Variants in LRRTM4 observed in about 807,000 individuals in gnomAD.
The protein encoded by LRRTM4 is leucine rich repeat transmembrane neuronal 4, also known as leucine-rich repeat transmembrane neuronal protein 4.
LRRTM4 carries 25 observed loss-of-function variants against 47.6 expected under a neutral mutation model. The ratio of observed to expected loss-of-function variants is 0.53; its 90% CI spans 0.38 to 0.73. LRRTM4 has a LOEUF of 0.73. Ranked by LOEUF, LRRTM4 falls within the 30% of genes least tolerant of loss-of-function variation. The probability of loss-of-function intolerance (pLI) is 0.00; values close to 1 mark genes in which losing one functional copy is unlikely to be tolerated. For synonymous variants in LRRTM4, 311 were observed against 269.5 expected, an observed-to-expected ratio of 1.15 and a Z score of -1.51; for missense variants, 638 against 713.4, an observed-to-expected ratio of 0.89 and a Z score of 1.20.
chr2:77,423,472 G>A (rs1016301795), intron 3 of LRRTM4, among the ~76,000 whole-genome samples: 2 of 152,106 alleles, frequency 1.3e-5, no homozygotes, highest in African/African-American at 2.4e-5. Flanking sequence ...TAAACAGGGA[G>A]TGTTCTGTTT....
intron 3 of LRRTM4, among the ~76,000 whole-genome samples, chr2:76,960,728 G>A (rs1402079273): frequency 6.6e-6 from 1 of 151,496 alleles, no homozygotes; most frequent in Non-Finnish European, 1.5e-5. Flanking sequence ...CATTTGTTAT[G>A]TAACACTATA....
chr2:76,780,087 G>T (rs1054418845), intron 3 of LRRTM4, among the ~76,000 whole-genome samples: 6 of 152,046 alleles, frequency 3.9e-5, no homozygotes, highest in Non-Finnish European at 5.9e-5. Flanking sequence ...TTGAATATTG[G>T]CCCCCACTCT....
intron 3 of LRRTM4, among the ~76,000 whole-genome samples, chr2:76,927,555 A>C (rs1573324593): frequency 6.6e-6 from 1 of 152,200 alleles, no homozygotes; most frequent in Non-Finnish European, 1.5e-5. Context: ...AGTTTTCCAA[A>C]AGTCATGTAT....
intron 3 of LRRTM4, among the ~76,000 whole-genome samples, chr2:76,787,423 A>G (rs957098323): frequency 6.6e-6 from 1 of 152,078 alleles, no homozygotes; most frequent in African/African-American, 2.4e-5. Context: ...TACTTTATAC[A>G]TTTCCAGATG....
chr2:76,925,311 A>T (rs1674555436), intron 3 of LRRTM4, among the ~76,000 whole-genome samples: 1 of 152,118 alleles, frequency 6.6e-6, no homozygotes, highest in Non-Finnish European at 1.5e-5. Flanking sequence ...GACAGCCTCA[A>T]TCCTTCAACC....
intron 3 of LRRTM4, among the ~76,000 whole-genome samples, chr2:77,417,565 A>T (rs1674685492): frequency 6.6e-6 from 1 of 152,172 alleles, no homozygotes; most frequent in South Asian, 2.1e-4. Flanking sequence ...TGCAGCCATA[A>T]AATATGATGA....
In LRRTM4 at chr2:76,889,661, A is replaced by G. The variant is rs983547318; in HGVS notation, c.1552-140745T>C. ...AACTGATGATCCAATTAGCAAGAAG[A>G]AGGAGGACAAAATGACTGTACTTTA... On this transcript the variant is annotated intron_variant, in intron 3 of 3. Coordinates refer to ENST00000409884, the MANE Select transcript of LRRTM4 (RefSeq NM_001134745.3). Among the ~76,000 whole-genome samples, 5 of 152,142 alleles carry G rather than the reference A, an allele frequency of 3.3e-5. No individual in the cohort carries two copies. The South Asian group carries it at 8.3e-4, about 25-fold the overall frequency.
chr2:76,912,749 T>C (rs1674114584), intron 3 of LRRTM4, among the ~76,000 whole-genome samples: 1 of 152,176 alleles, frequency 6.6e-6, no homozygotes, highest in Non-Finnish European at 1.5e-5. Flanking sequence ...CCCTTAGTGC[T>C]GTCCTCGGGA....
chr2:77,438,040 A>G (rs998807401), intron 3 of LRRTM4, among the ~76,000 whole-genome samples: 1 of 152,182 alleles, frequency 6.6e-6, no homozygotes, highest in African/African-American at 2.4e-5. Flanking sequence ...ATTTCTTTAG[A>G]TTAAGGATGC....
chr2:77,329,637 C>G (rs1234780235), intron 3 of LRRTM4, among the ~76,000 whole-genome samples: 5 of 152,032 alleles, frequency 3.3e-5, no homozygotes. Flanking sequence ...ACTGAAGGTG[C>G]TCAGGTTAGT....
At chr2:76,774,334 G>A (rs1409153190) in intron 3 of LRRTM4, among the ~76,000 whole-genome samples, 2 of 151,808 alleles carry the variant, frequency 1.3e-5, no homozygotes, top group African/African-American at 4.8e-5. Flanking sequence ...TGGGATTACA[G>A]GCACGTGCCA....
In LRRTM4 at chr2:77,049,157, T is replaced by TACACACACAC. The variant is rs1336101809; in HGVS notation, c.1552-300251_1552-300242dup. On this transcript the variant is annotated intron_variant, in intron 3 of 3. Coordinates refer to ENST00000409884, the MANE Select transcript of LRRTM4 (RefSeq NM_001134745.3). Reference sequence around the variant, plus strand: ...ATATATATATATATATATATATATATACACACACACACACACCACATTTTC... The same window carrying TACACACACAC: ...ATATATATATATATATATATATATATACACACACACACACACACACACACACCACATTTTC... Among the ~76,000 whole-genome samples, 67 of 106,340 alleles carry TACACACACAC rather than the reference T, an allele frequency of 6.3e-4. 3 individuals carry two copies. The highest frequency in any genetic ancestry group is 3.3e-3 in the African/African-American group (66 of 19,800). 69.8% of individuals were successfully genotyped at this position (106,340 alleles called of 152,430 possible).
At chr2:77,387,493 G>C (rs1673325150) in intron 3 of LRRTM4, among the ~76,000 whole-genome samples, 1 of 152,046 alleles carries the variant, frequency 6.6e-6, no homozygotes, top group African/African-American at 2.4e-5. Flanking sequence ...TACACTCAAG[G>C]TCTCTCAGTT....
At chr2:77,069,654 T>C (rs148893388) in intron 3 of LRRTM4, among the ~76,000 whole-genome samples, 11 of 152,300 alleles carry the variant, frequency 7.2e-5, no homozygotes, top group African/African-American at 2.6e-4. Flanking sequence ...ATTTTCAACT[T>C]TGCCTTAGCC....
chr2:77,391,788 G>A (rs1673515127), intron 3 of LRRTM4, among the ~76,000 whole-genome samples: 1 of 151,910 alleles, frequency 6.6e-6, no homozygotes, highest in South Asian at 2.1e-4. Flanking sequence ...GGTGAGACAT[G>A]CCTCATTATA....
At chr2:76,798,191 T>C (rs1286437504) in intron 3 of LRRTM4, among the ~76,000 whole-genome samples, 4 of 152,106 alleles carry the variant, frequency 2.6e-5, no homozygotes, top group Non-Finnish European at 5.9e-5. Context: ...ATTGACCACA[T>C]ACTTGGAAGT....
chr2:77,238,407 A>T (rs1675167732), intron 3 of LRRTM4, among the ~76,000 whole-genome samples: 1 of 152,126 alleles, frequency 6.6e-6, no homozygotes, highest in Admixed American at 6.6e-5. Context: ...TGTCTGCCAC[A>T]GAGAGGGGAC....
At chr2:77,424,796 A>C (rs1006822439) in intron 3 of LRRTM4, among the ~76,000 whole-genome samples, 1 of 151,938 alleles carries the variant, frequency 6.6e-6, no homozygotes, top group Non-Finnish European at 1.5e-5. Flanking sequence ...TCACATATAC[A>C]CTCCTGGTGG....
At chr2:77,377,095 T>C (rs1361328520) in intron 3 of LRRTM4, among the ~76,000 whole-genome samples, 1 of 151,916 alleles carries the variant, frequency 6.6e-6, no homozygotes, top group Non-Finnish European at 1.5e-5. Context: ...CTTTGGCTAG[T>C]GAAAGTCAAT....
Sources: gnomAD v4.1 joint callset for allele counts (sites outside exome capture counted in the v4.1 genomes callset) on GRCh38, gnomAD v4.1.1 for gene constraint, MANE v1.5 for transcripts, NCBI Gene and HGNC (gene_info 2026-07-23, HGNC 2026-07-21) for gene names.